LHFPL2: variants seen among roughly 807,000 people sequenced by gnomAD.
LHFPL2 encodes LHFPL tetraspan subfamily member 2 protein.
LHFPL2 carries 7 observed loss-of-function variants against 17.5 expected under a neutral mutation model. That is an observed-to-expected ratio of 0.40 (90% CI 0.23 to 0.75). LHFPL2 has a LOEUF of 0.75. Among genes scored for constraint, LHFPL2 ranks in the 30% least tolerant of loss-of-function variants. The pLI, the probability that LHFPL2 is intolerant of heterozygous loss-of-function variation, is 0.37. For synonymous variants in LHFPL2, 134 were observed against 116.2 expected, an observed-to-expected ratio of 1.15 and a Z score of -0.99; for missense variants, 241 against 294.8, an observed-to-expected ratio of 0.82 and a Z score of 1.34.
intron 2 of LHFPL2, among the ~76,000 whole-genome samples, chr5:78,613,580 T>C (rs1368747093): frequency 1.3e-5 from 2 of 148,600 alleles, no homozygotes; most frequent in Admixed American, 6.7e-5. Context: ...TGGAATAAAA[T>C]AGATGCTAAT....
chr5:78,604,609 A>C (rs1744145085), intron 2 of LHFPL2, among the ~76,000 whole-genome samples: 1 of 152,246 alleles, frequency 6.6e-6, no homozygotes, highest in African/African-American at 2.4e-5. Context: ...CAAACAGAGA[A>C]TAATAATAGA....
At chr5:78,525,178 C>T (rs936851621) in intron 3 of LHFPL2, among the ~76,000 whole-genome samples, 3 of 152,146 alleles carry the variant, frequency 2.0e-5, no homozygotes, top group African/African-American at 7.2e-5. Context: ...AATCCTGCTC[C>T]AGAAGGTACT....
At chr5:78,593,088 C>T (rs1021313466) in intron 2 of LHFPL2, among the ~76,000 whole-genome samples, 2 of 152,252 alleles carry the variant, frequency 1.3e-5, no homozygotes, top group Non-Finnish European at 1.5e-5. Context: ...TCTCTGTCCC[C>T]GGTGTCTGGT....
chr5:78,491,917 A>G (rs1323186433), intron 4 of LHFPL2, among the ~76,000 whole-genome samples: 1 of 152,062 alleles, frequency 6.6e-6, no homozygotes, highest in African/African-American at 2.4e-5. Context: ...TACATTCAGT[A>G]CTCTTGAAAA....
chr5:78,508,103 G>C (rs1358699766), intron 4 of LHFPL2, among the ~76,000 whole-genome samples: 1 of 152,044 alleles, frequency 6.6e-6, no homozygotes, highest in Non-Finnish European at 1.5e-5. Context: ...CTGAAGGGGA[G>C]AGTCATCTTC....
At chr5:78,527,925 A>G (rs897010018) in intron 3 of LHFPL2, among the ~76,000 whole-genome samples, 1 of 152,158 alleles carries the variant, frequency 6.6e-6, no homozygotes, top group African/African-American at 2.4e-5. Flanking sequence ...TAAGAGTAAC[A>G]TCCAATGGTC....
At chr5:78,644,664 GT>G (rs1190728902) in intron 1 of LHFPL2, 1 of 315,350 alleles carries the variant, frequency 3.2e-6, no homozygotes, top group Non-Finnish European at 6.2e-6. Flanking sequence ...TCTTTGACAT[GT>G]CTTCAAATCT....
chr5:78,647,871 G>A (rs571621058), intron 1 of LHFPL2, among the ~76,000 whole-genome samples: 4 of 151,950 alleles, frequency 2.6e-5, no homozygotes, highest in South Asian at 4.2e-4. Context: ...AGAAACACAC[G>A]CAGAGTCTCC....
intron 3 of LHFPL2, among the ~76,000 whole-genome samples, chr5:78,564,007 A>G (rs938958073): frequency 2.6e-5 from 4 of 152,192 alleles, no homozygotes; most frequent in African/African-American, 9.7e-5. Flanking sequence ...TACAAATGAG[A>G]CGGTATCTGT....
At chr5:78,621,714 A>G (rs1327125798) in intron 2 of LHFPL2, among the ~76,000 whole-genome samples, 2 of 152,232 alleles carry the variant, frequency 1.3e-5, no homozygotes, top group Admixed American at 1.3e-4. Flanking sequence ...TAAAACCACA[A>G]TTCCCTCAGT....
At position 78,490,420 on chromosome 5, in the gene LHFPL2, A is replaced by G. The variant is rs534320866; in HGVS notation, c.431-1267T>C. On this transcript the variant is annotated intron_variant, in intron 4 of 4. Transcript: ENST00000380345. ...TGACAAAGGCAACCTAGGCCCCCCC[A>G]GATTTTACCCAGCAAAACTTTAAAA... 2.6e-5 allele frequency among the ~76,000 whole-genome samples: 4 copies of G among 152,270 alleles called. No individual in the cohort carries two copies. In the South Asian group the frequency reaches 8.3e-4, roughly 32 times the overall value.
At chr5:78,633,330 C>A (rs77461227) in intron 1 of LHFPL2, among the ~76,000 whole-genome samples, 4 of 152,374 alleles carry the variant, frequency 2.6e-5, no homozygotes, top group Non-Finnish European at 5.9e-5. Flanking sequence ...CAGGCAGACA[C>A]CAGCTCAGTG....
chr5:78,591,955 C>T (rs921576332), intron 2 of LHFPL2, among the ~76,000 whole-genome samples: 4 of 152,222 alleles, frequency 2.6e-5, no homozygotes, highest in African/African-American at 9.7e-5. Flanking sequence ...GGTCTGAGAA[C>T]TGATTCCTAG....
chr5:78,506,006 G>A lies in LHFPL2; in HGVS notation c.430+3778C>T, dbSNP rs544021724. ...TACTGAGTGAGTGCTGAATGTCAAG[G>A]ACATGTGCACAGTATTTAGAAAGTA... On this transcript the variant is annotated intron_variant, in intron 4 of 4. Transcript: ENST00000380345. 6.6e-5 allele frequency among the ~76,000 whole-genome samples: 10 copies of A among 152,362 alleles called. No individual in the cohort carries two copies. The South Asian group carries it at 2.1e-3, about 32-fold the overall frequency.
At chr5:78,625,564 T>G (rs1435347403) in intron 2 of LHFPL2, 1 of 152,222 alleles carries the variant, frequency 6.6e-6, no homozygotes, top group Non-Finnish European at 1.5e-5. Flanking sequence ...TTGATTTTGC[T>G]ACATCTCCAT....
At chr5:78,521,192 C>T (rs1755446908) in intron 3 of LHFPL2, among the ~76,000 whole-genome samples, 1 of 152,174 alleles carries the variant, frequency 6.6e-6, no homozygotes. Flanking sequence ...CATTTCAAAA[C>T]ATAAACTGTA....
chr5:78,542,128 T>TA (rs397783835), intron 3 of LHFPL2, among the ~76,000 whole-genome samples: 2 of 151,820 alleles, frequency 1.3e-5, no homozygotes, highest in Non-Finnish European at 2.9e-5. Flanking sequence ...TTTTTTTTTT[T>TA]AATGTCATTA....
chr5:78,591,987 G>A (rs1335903876), intron 2 of LHFPL2, among the ~76,000 whole-genome samples: 1 of 152,254 alleles, frequency 6.6e-6, no homozygotes, highest in African/African-American at 2.4e-5. Flanking sequence ...GCGCAGGAGG[G>A]CTGGGAAGTG....
rs1754328031 is a variant in LHFPL2, at chr5:78,488,569, T to TC, written c.*327dup. 1 of 302,860 alleles carries TC rather than the reference T, an allele frequency of 3.3e-6. No individual in the cohort carries two copies. Among genetic ancestry groups the TC allele is most frequent in the Non-Finnish European group, 6.4e-6 (1 of 157,282 alleles). The allele number at this position is 302,860 out of a possible 1,614,324, so 18.8% of individuals were successfully genotyped here. ...CCTGCAGATCTGGCGGACGGTCTCT[T>TC]CCGTTACCAGAGAAACTGCTGCCCT... On this transcript the variant is annotated 3_prime_UTR_variant, in exon 5 of 5. Transcript: ENST00000380345.
Sources: allele counts gnomAD v4.1 joint callset (sites outside exome capture counted in the v4.1 genomes callset), GRCh38; gene constraint gnomAD v4.1.1; transcripts MANE v1.5; gene names NCBI Gene and HGNC (gene_info 2026-07-23, HGNC 2026-07-21).